RIMS1: variants seen among roughly 807,000 people sequenced by gnomAD.
RIMS1 encodes the protein regulating synaptic membrane exocytosis protein 1.
In RIMS1, 83 loss-of-function variants were observed where a neutral mutation model predicts 214.1. That is an observed-to-expected ratio of 0.39 (90% CI 0.32 to 0.47). The LOEUF (loss-of-function observed/expected upper bound fraction) is 0.47. RIMS1 is among the 20% of genes least tolerant of loss of function. The pLI is 0.99. For missense variants in RIMS1, 2,050 were observed against 2,161.8 expected (o/e 0.95, Z 1.03); for synonymous variants, 793 against 786.8 (o/e 1.01, Z -0.13).
At chr6:72,220,739 T>C (rs1185025197) in intron 6 of RIMS1, among the ~76,000 whole-genome samples, 1 of 152,068 alleles carries the variant, frequency 6.6e-6, no homozygotes, top group East Asian at 1.9e-4. Flanking sequence ...GCAAAAACAT[T>C]AGGAATGACT....
chr6:72,301,623 A>G (rs78893011), intron 26 of RIMS1, among the ~76,000 whole-genome samples: 2,255 of 151,776 alleles, frequency 0.015, 54 homozygotes, highest in African/African-American at 0.051. Flanking sequence ...AAGCCATTTA[A>G]TAATACGAAA....
chr6:71,989,671 A>C (rs916467594), intron 2 of RIMS1, among the ~76,000 whole-genome samples: 1 of 152,212 alleles, frequency 6.6e-6, no homozygotes, highest in African/African-American at 2.4e-5. Flanking sequence ...GTAATCATTG[A>C]TCGATTCATT....
At chr6:72,315,157 T>TG (rs2095704575) in intron 28 of RIMS1, among the ~76,000 whole-genome samples, 1 of 152,202 alleles carries the variant, frequency 6.6e-6, no homozygotes, top group Non-Finnish European at 1.5e-5. Context: ...GAACCAGTGT[T>TG]ACTTTGTGGA....
At chr6:72,342,258 A>G (rs1032882384) in intron 29 of RIMS1, among the ~76,000 whole-genome samples, 2 of 151,688 alleles carry the variant, frequency 1.3e-5, no homozygotes, top group African/African-American at 2.4e-5. Flanking sequence ...CTTCTCTCTG[A>G]CCATCTCATT....
intron 29 of RIMS1, among the ~76,000 whole-genome samples, chr6:72,387,254 C>A (rs1004311279): frequency 6.6e-6 from 1 of 152,188 alleles, no homozygotes; most frequent in African/African-American, 2.4e-5. Flanking sequence ...ACTGTTTCTC[C>A]TCCAGTTTTC....
rs114141719 is a variant in RIMS1, at chr6:72,333,248, A to G, written c.4131-352A>G. ...GAATATATATGAACTTTTCTTAATAATTGAAATATTTTAGTTTTTCTCTGG... is the reference window on the plus strand; with the variant it reads ...GAATATATATGAACTTTTCTTAATAGTTGAAATATTTTAGTTTTTCTCTGG... On this transcript the variant is annotated intron_variant, in intron 28 of 33. Transcript: ENST00000521978. Among the ~76,000 whole-genome samples the G allele has an allele frequency of 4.9e-3, 752 of 152,048 alleles. 5 individuals are homozygous for G. The highest frequency in any genetic ancestry group is 0.017 in the African/African-American group (725 of 41,534).
In RIMS1 at chr6:72,402,319, A is replaced by T. The variant is rs2098839868; in HGVS notation, c.*1605A>T. 1 of 152,584 alleles carries T rather than the reference A, an allele frequency of 6.6e-6. No homozygotes were observed. The highest frequency in any genetic ancestry group is 1.5e-5 in the Non-Finnish European group (1 of 68,030). 9.5% of individuals were successfully genotyped at this position (152,584 alleles called of 1,614,324 possible). A position where few individuals can be genotyped will look rare whatever the true frequency, so the allele number is the denominator to read the frequency against. On this transcript the variant is annotated 3_prime_UTR_variant, in exon 34 of 34. Coordinates refer to ENST00000521978, the MANE Select transcript of RIMS1 (RefSeq NM_014989.7). ...TAAGCCATCCACTTTTGTTATAGACATTTTGCAGGTTTTAGCCAGACTCAG... is the reference window on the plus strand; with the variant it reads ...TAAGCCATCCACTTTTGTTATAGACTTTTTGCAGGTTTTAGCCAGACTCAG...
intron 2 of RIMS1, among the ~76,000 whole-genome samples, chr6:71,993,657 C>A (rs968504661): frequency 2.0e-5 from 3 of 152,194 alleles, no homozygotes; most frequent in Non-Finnish European, 4.4e-5. Flanking sequence ...CCACTCACAG[C>A]ATACAGACAG....
chr6:72,217,431 T>C (rs1274800383), intron 6 of RIMS1, among the ~76,000 whole-genome samples: 2 of 152,216 alleles, frequency 1.3e-5, no homozygotes, highest in African/African-American at 4.8e-5. Context: ...ATAAAGTTAT[T>C]TTTATGATTT....
chr6:72,184,212 A>T (rs2048782387), intron 6 of RIMS1, among the ~76,000 whole-genome samples: 1 of 152,238 alleles, frequency 6.6e-6, no homozygotes, highest in African/African-American at 2.4e-5. Flanking sequence ...ACCCATACAG[A>T]GTGTCATTAG....
chr6:72,359,214 G>A (rs1357225223), intron 29 of RIMS1, among the ~76,000 whole-genome samples: 3 of 152,156 alleles, frequency 2.0e-5, no homozygotes, highest in Non-Finnish European at 2.9e-5. Context: ...CAAGATGGTG[G>A]ATCCTTGCAC....
At chr6:72,237,791 T>A in intron 8 of RIMS1, 32 bp from the exon 9 acceptor site, 1 of 1,468,138 alleles carries the variant, frequency 6.8e-7, no homozygotes, top group Non-Finnish European at 9.5e-7. Context: ...TTAGTATGAG[T>A]CTTGGAAACT....
At chr6:71,949,279 C>G (rs1357524521) in intron 1 of RIMS1, among the ~76,000 whole-genome samples, 1 of 152,076 alleles carries the variant, frequency 6.6e-6, no homozygotes, top group Non-Finnish European at 1.5e-5. Flanking sequence ...ATTCCTGGTT[C>G]TGGGCATAGC....
At chr6:71,951,494 G>T (rs200139408) in intron 1 of RIMS1, among the ~76,000 whole-genome samples, 1,923 of 40,638 alleles carry the variant, frequency 0.047, 7 homozygotes, top group African/African-American at 0.078. Context: ...TTTTTTTTTT[G>T]TGTGTGTGTG....
intron 6 of RIMS1, among the ~76,000 whole-genome samples, chr6:72,218,421 G>A (rs532554819): frequency 5.3e-5 from 8 of 152,328 alleles, no homozygotes; most frequent in Admixed American, 5.2e-4. Context: ...TCTACTTTGT[G>A]CTGAAGGCAA....
intron 3 of RIMS1, among the ~76,000 whole-genome samples, chr6:72,099,197 T>C (rs145003237): frequency 1.3e-5 from 2 of 152,318 alleles, no homozygotes; most frequent in Non-Finnish European, 2.9e-5. Flanking sequence ...ATGATTGATA[T>C]ATTAAAGTCA....
intron 4 of RIMS1, among the ~76,000 whole-genome samples, chr6:72,139,585 G>T (rs900945276): frequency 9.2e-5 from 14 of 151,950 alleles, no homozygotes; most frequent in Admixed American, 7.9e-4. Context: ...GTTTCCCTAG[G>T]GTCTGGTTAG....
At chr6:72,304,120 A>G (rs1592684022) in intron 26 of RIMS1, among the ~76,000 whole-genome samples, 1 of 151,638 alleles carries the variant, frequency 6.6e-6, no homozygotes, top group Non-Finnish European at 1.5e-5. Flanking sequence ...AATAAAAACC[A>G]CAGGGCCTCC....
chr6:72,161,805 C>G (rs4624836), intron 4 of RIMS1, among the ~76,000 whole-genome samples: 122,697 of 139,252 alleles, frequency 0.88, 56,334 homozygotes, highest in East Asian at 1. Context: ...GCTTTACTTC[C>G]AACTATGTGG....
Sources: allele counts gnomAD v4.1 joint callset (sites outside exome capture counted in the v4.1 genomes callset), GRCh38; gene constraint gnomAD v4.1.1; transcripts MANE v1.5; gene names NCBI Gene and HGNC (gene_info 2026-07-23, HGNC 2026-07-21).